FA2H: variants seen among roughly 807,000 people sequenced by gnomAD.
The protein encoded by FA2H is fatty acid 2-hydroxylase.
In FA2H, 22 loss-of-function variants were observed where a neutral mutation model predicts 44.9. The ratio of observed to expected loss-of-function variants is 0.49; its 90% CI spans 0.35 to 0.70. The LOEUF is 0.70. Ranked by LOEUF, FA2H falls within the 30% of genes least tolerant of loss-of-function variation. The pLI is 0.01. For missense variants in FA2H, 501 were observed against 504.9 expected, an observed-to-expected ratio of 0.99 and a Z score of 0.07; for synonymous variants, 243 against 213.2, an observed-to-expected ratio of 1.14 and a Z score of -1.22.
At chr16:74,742,106 AC>A (rs1262870587) in intron 1 of FA2H, among the ~76,000 whole-genome samples, 1 of 152,028 alleles carries the variant, frequency 6.6e-6, no homozygotes, top group East Asian at 1.9e-4. Flanking sequence ...CACGCCTAGC[AC>A]GGGTCTTGCA....
Position 74,741,557 on chromosome 16 carries a change from C to T in FA2H, c.271-1442G>A, listed in dbSNP as rs563607758. On this transcript the variant is annotated intron_variant, in intron 1 of 6. Coordinates refer to ENST00000219368, the MANE Select transcript of FA2H (RefSeq NM_024306.5). ...GCCCATGCCACCTCTGTCTTCTGGG[C>T]CTAGGCCATCCTCCCACCTCAGCCT... Among the ~76,000 whole-genome samples the T allele has an allele frequency of 3.9e-5, 6 of 151,988 alleles. No homozygotes were observed. The East Asian group carries it at 1.2e-3, about 29-fold the overall frequency.
intron 1 of FA2H, among the ~76,000 whole-genome samples, chr16:74,741,773 A>AATAT (rs57773726): frequency 0.021 from 1,016 of 47,882 alleles, 36 homozygotes; most frequent in Non-Finnish European, 0.025. Flanking sequence ...CACCTGATTA[A>AATAT]ATATATATAT....
At chr16:74,766,709 C>T (rs753480110) in intron 1 of FA2H, among the ~76,000 whole-genome samples, 34 of 152,190 alleles carry the variant, frequency 2.2e-4, no homozygotes, top group Non-Finnish European at 4.1e-4. Flanking sequence ...AGTTACTCCC[C>T]ATTTTCTCCC....
At chr16:74,721,021 C>T (rs979579001) in intron 4 of FA2H, among the ~76,000 whole-genome samples, 1 of 152,216 alleles carries the variant, frequency 6.6e-6, no homozygotes, top group African/African-American at 2.4e-5. Flanking sequence ...TGCTGCTATG[C>T]ACATTCGTGT....
At chr16:74,734,527 G>C (rs192657671) in intron 2 of FA2H, among the ~76,000 whole-genome samples, 2 of 152,220 alleles carry the variant, frequency 1.3e-5, no homozygotes, top group African/African-American at 4.8e-5. Flanking sequence ...CAGCCTGCTC[G>C]GTCCCTGCCT....
chr16:74,729,552 G>A (rs1567638418), intron 2 of FA2H, among the ~76,000 whole-genome samples: 1 of 152,242 alleles, frequency 6.6e-6, no homozygotes, highest in Non-Finnish European at 1.5e-5. Flanking sequence ...AATGGAGAGT[G>A]TGTGCAGAAA....
At chr16:74,742,101 C>T (rs934808794) in intron 1 of FA2H, among the ~76,000 whole-genome samples, 1 of 152,072 alleles carries the variant, frequency 6.6e-6, no homozygotes, top group Non-Finnish European at 1.5e-5. Context: ...AGACCCACGC[C>T]TAGCACGGGT....
At chr16:74,725,122 C>T (rs1193306716) in intron 4 of FA2H, among the ~76,000 whole-genome samples, 1 of 152,234 alleles carries the variant, frequency 6.6e-6, no homozygotes, top group East Asian at 1.9e-4. Context: ...GGGATGCCTG[C>T]AGTAACCCTC....
At chr16:74,742,479 G>A (rs996075960) in intron 1 of FA2H, among the ~76,000 whole-genome samples, 9 of 152,214 alleles carry the variant, frequency 5.9e-5, no homozygotes, top group Admixed American at 1.3e-4. Flanking sequence ...GGACAGGCAC[G>A]AGCAGAATGA....
chr16:74,765,856 C>G (rs1962800029), intron 1 of FA2H, among the ~76,000 whole-genome samples: 1 of 152,086 alleles, frequency 6.6e-6, no homozygotes, highest in Non-Finnish European at 1.5e-5. Context: ...CCAGAGCATT[C>G]AAATATTTAT....
At chr16:74,721,473 G>C (rs558665710) in intron 4 of FA2H, among the ~76,000 whole-genome samples, 1 of 152,052 alleles carries the variant, frequency 6.6e-6, no homozygotes, top group East Asian at 1.9e-4. Context: ...TGGCCTAGCC[G>C]TTCTCTTTTA....
At chr16:74,750,454 T>C (rs918520346) in intron 1 of FA2H, among the ~76,000 whole-genome samples, 4 of 152,218 alleles carry the variant, frequency 2.6e-5, no homozygotes, top group African/African-American at 9.6e-5. Context: ...AAGAAAAATA[T>C]TGTTCTTGCC....
intron 1 of FA2H, among the ~76,000 whole-genome samples, chr16:74,750,790 T>TGTGTGTGTGTG (rs1555540831): frequency 3.3e-5 from 5 of 151,362 alleles, no homozygotes; most frequent in South Asian, 2.1e-4. Context: ...TGTGTGTGTG[T>TGTGTGTGTGTG]TTAAGAGACA....
Position 74,774,675 on chromosome 16 carries a change from G to A in FA2H, c.81C>T (p.Val27=). Residue 27 remains valine (V), a synonymous_variant, in exon 1 of 7, where the codon GTC becomes GTT. Transcript: ENST00000219368. ...QRRLAAGACW[V]RRGARLYDLS... ...GGTCGTAGAGGCGGGCCCCGCGGCG[G>A]ACCCAGCACGCGCCGGCCGCCAGGC... 1 of 1,409,526 alleles carries A rather than the reference G, an allele frequency of 7.1e-7. No homozygotes were observed. Among genetic ancestry groups the A allele is most frequent in the Non-Finnish European group, 9.2e-7 (1 of 1,086,112 alleles). 87.3% of individuals were successfully genotyped at this position (1,409,526 alleles called of 1,614,324 possible).
intron 1 of FA2H, among the ~76,000 whole-genome samples, chr16:74,762,830 G>C (rs1393851383): frequency 1.3e-5 from 2 of 152,136 alleles, no homozygotes; most frequent in Non-Finnish European, 2.9e-5. Flanking sequence ...ACCCGGCCTA[G>C]AGTAGAAAAA....
chr16:74,735,289 G>T (rs1226603407), intron 2 of FA2H, among the ~76,000 whole-genome samples: 1 of 152,168 alleles, frequency 6.6e-6, no homozygotes, highest in Admixed American at 6.5e-5. Context: ...CAGTGAGGTG[G>T]GGCTCTTGGT....
At chr16:74,749,166 G>T (rs1430545540) in intron 1 of FA2H, among the ~76,000 whole-genome samples, 1 of 152,164 alleles carries the variant, frequency 6.6e-6, no homozygotes, top group East Asian at 1.9e-4. Flanking sequence ...CTTCGAGCTG[G>T]TTGTTTTTGG....
intron 5 of FA2H, 142 bp downstream of exon 5, chr16:74,718,846 C>G: frequency 1.0e-6 from 1 of 983,414 alleles, no homozygotes. Context: ...CCAGTTGCCC[C>G]GTGAGTCACA....
At position 74,758,696 on chromosome 16, in the gene FA2H, T is replaced by A. The variant is rs992011395; in HGVS notation, c.270+15790A>T. Among the ~76,000 whole-genome samples, 21 of 152,144 alleles carry A rather than the reference T, an allele frequency of 1.4e-4. No homozygotes were observed. In the East Asian group the frequency reaches 3.5e-3, roughly 25 times the overall value. ...ATCCCAGCACTTTGGGAGGCTGAGG[T>A]GTGCAGATCACTTGAGGCCAGGAGC... On this transcript the variant is annotated intron_variant, in intron 1 of 6. Transcript: ENST00000219368.
Sources: allele counts gnomAD v4.1 joint callset (sites outside exome capture counted in the v4.1 genomes callset), GRCh38; gene constraint gnomAD v4.1.1; transcripts MANE v1.5; gene names NCBI Gene and HGNC (gene_info 2026-07-23, HGNC 2026-07-21).